IGFN1: variants seen among roughly 807,000 people sequenced by gnomAD.
IGFN1 encodes immunoglobulin-like and fibronectin type III domain-containing protein 1.
IGFN1 carries 253 observed loss-of-function variants against 289.5 expected under a neutral mutation model. The observed-to-expected ratio is 0.87, with a 90% CI of 0.79 to 0.97. The LOEUF (loss-of-function observed/expected upper bound fraction) is 0.97. Among genes scored for constraint, IGFN1 ranks in the 50% least tolerant of loss-of-function variants. IGFN1 has a pLI of 0.00. For synonymous variants in IGFN1, 1,706 were observed against 1,788.5 expected (o/e 0.95, Z 1.16); for missense variants, 4,470 against 4,686.1 (o/e 0.95, Z 1.35).
chr1:201,206,029 T>C (rs1415018994), intron 11 of IGFN1, 54 bp from the exon 12 acceptor site: 4 of 1,261,614 alleles, frequency 3.2e-6, no homozygotes, highest in Non-Finnish European at 4.5e-6. Context: ...TGGTATTTTC[T>C]CTTGTCTCTC....
chr1:201,226,214 A>G, intron 22 of IGFN1, 91 bp downstream of exon 22: 1 of 1,356,370 alleles, frequency 7.4e-7, no homozygotes, highest in Non-Finnish European at 9.7e-7. Context: ...AGCGCGCAGG[A>G]TAGGGACTGT....
At chr1:201,224,531 T>G in intron 20 of IGFN1, 148 bp from the exon 21 acceptor site, 1 of 646,624 alleles carries the variant, frequency 1.5e-6, no homozygotes, top group Non-Finnish European at 2.6e-6. Context: ...CCACCTGTGT[T>G]TTCTTGTCGA....
Position 201,208,081 on chromosome 1 carries a change from C to G in IGFN1, c.3188C>G (p.Ala1063Gly), listed in dbSNP as rs765088195. The G allele has an allele frequency of 6.5e-7, 1 of 1,536,978 alleles. No homozygotes were observed. Among genetic ancestry groups the G allele is most frequent in the Non-Finnish European group, 8.7e-7 (1 of 1,146,856 alleles). Residue 1063 changes from alanine (A) to glycine (G), a missense_variant, in exon 12 of 24, where the codon GCA becomes GGA. Ala to Gly is a moderately conservative substitution (Grantham distance 60). Coordinates refer to ENST00000335211, the MANE Select transcript of IGFN1 (RefSeq NM_001164586.2). ...DTRNWASACQ[A>G]GMDPRGGHHS... is the part of the protein sequence containing the mutation. ...AGGAATTGGGCCTCTGCATGCCAGGCAGGCATGGACCCTAGGGGAGGGCAC... is the reference window on the plus strand; with the variant it reads ...AGGAATTGGGCCTCTGCATGCCAGGGAGGCATGGACCCTAGGGGAGGGCAC...
intron 5 of IGFN1, 44 bp downstream of exon 5, chr1:201,197,361 G>T: frequency 8.2e-7 from 1 of 1,215,748 alleles, no homozygotes; most frequent in South Asian, 1.3e-5. Context: ...ACAGGGCAGA[G>T]ACCCACAGAG....
At position 201,218,534 on chromosome 1, in the gene IGFN1, G is replaced by A; in HGVS notation, c.9774G>A (p.Arg3258=). 6.2e-7 allele frequency: 1 copy of A among 1,612,628 alleles called. No individual in the cohort carries two copies. Among genetic ancestry groups the A allele is most frequent in the Non-Finnish European group, 8.5e-7 (1 of 1,179,536 alleles). ...TAVNDQPVPE[R]RWTVADVRQG... ...ACATGGGCGGGCTGTTCACAGAGAG[G>A]AGGTGGACGGTGGCGGACGTGCGGC... The change falls in exon 18 of 24, where the codon AGG becomes AGA. Residue 3258 remains arginine (R), a synonymous_variant. Transcript: ENST00000335211.
rs1331838615 is a variant in IGFN1, at chr1:201,222,818, C to T, written c.10281C>T (p.Val3427=). The T allele has an allele frequency of 1.9e-6, 3 of 1,612,550 alleles. No individual in the cohort carries two copies. The highest frequency in any genetic ancestry group is 2.5e-6 in the Non-Finnish European group (3 of 1,178,972). The part of the protein sequence containing the change: ...VKVGDTVRVP[V]SFEAMPMPEV... Reference sequence around the variant, plus strand: ...TCGGGGACACAGTTCGTGTGCCCGTCTCCTTTGAAGTGAGTGTACCTGCAG... The same window carrying T: ...TCGGGGACACAGTTCGTGTGCCCGTTTCCTTTGAAGTGAGTGTACCTGCAG... Residue 3427 remains valine (V), a synonymous_variant, in exon 20 of 24, where the codon GTC becomes GTT. Coordinates refer to ENST00000335211, the MANE Select transcript of IGFN1 (RefSeq NM_001164586.2).
In IGFN1 at chr1:201,222,808, G is replaced by T. The variant is rs750738576; in HGVS notation, c.10271G>T (p.Arg3424Leu). 9 of 1,613,026 alleles carry T rather than the reference G, an allele frequency of 5.6e-6. No homozygotes were observed. The highest frequency in any genetic ancestry group is 6.8e-6 in the Non-Finnish European group (8 of 1,179,316). ...LLTVKVGDTV[R>L]VPVSFEAMPM... ...ACAGTCAAGGTCGGGGACACAGTTC[G>T]TGTGCCCGTCTCCTTTGAAGTGAGT... Residue 3424 changes from arginine (R) to leucine (L), a missense_variant, in exon 20 of 24, where the codon CGT becomes CTT. Arg to Leu is a moderately radical substitution (Grantham distance 102, BLOSUM62 -2). Around this residue, in one of 8 missense-constraint regions of IGFN1, gnomAD observed 2,218 missense variants for 2,114.1 expected, o/e 1.05. Coordinates refer to ENST00000335211, the MANE Select transcript of IGFN1 (RefSeq NM_001164586.2).
chr1:201,196,920 G>T (rs566427618), intron 4 of IGFN1, among the ~76,000 whole-genome samples: 3 of 152,214 alleles, frequency 2.0e-5, no homozygotes, highest in African/African-American at 7.2e-5. Context: ...CTTGCCCAAG[G>T]TCCCACAGCT....
chr1:201,209,409 G>T lies in IGFN1; in HGVS notation c.4516G>T (p.Gly1506Cys). 1 of 1,527,606 alleles carries T rather than the reference G, an allele frequency of 6.5e-7. No homozygotes were observed. Among genetic ancestry groups the T allele is most frequent in the Non-Finnish European group, 8.8e-7 (1 of 1,142,290 alleles). 94.6% of individuals were successfully genotyped at this position (1,527,606 alleles called of 1,614,324 possible). Reference sequence around the variant, plus strand: ...AGATTTGGGGGTTTCTGAGGGAGGGGGTTCAGGGAGCAAAGCAGGTTATAG... The same window carrying T: ...AGATTTGGGGGTTTCTGAGGGAGGGTGTTCAGGGAGCAAAGCAGGTTATAG... Reference protein sequence around the residue: ...RKDLGVSEGGGSGSKAGYRGG... With the variant: ...RKDLGVSEGGCSGSKAGYRGG... Residue 1506 changes from glycine (G) to cysteine (C), a missense_variant, in exon 12 of 24, where the codon GGT becomes TGT. This residue lies in a region of IGFN1 where 2,011 missense variants were observed against 1,953.4 expected (regional missense o/e 1.03). Transcript: ENST00000335211.
intron 7 of IGFN1, among the ~76,000 whole-genome samples, 195 bp downstream of exon 7, chr1:201,199,849 C>T (rs553412539): frequency 2.0e-5 from 3 of 152,170 alleles, no homozygotes; most frequent in Non-Finnish European, 2.9e-5. Context: ...TCTGCCATTT[C>T]AAAGCTCTAT....
At chr1:201,202,941 C>T (rs1667230697) in intron 9 of IGFN1, among the ~76,000 whole-genome samples, 1 of 151,848 alleles carries the variant, frequency 6.6e-6, no homozygotes, top group Non-Finnish European at 1.5e-5. Flanking sequence ...ATTTTCAGTA[C>T]AGACAGGGTT....
intron 11 of IGFN1, among the ~76,000 whole-genome samples, chr1:201,205,701 T>C (rs1667384602): frequency 1.3e-5 from 2 of 152,158 alleles, no homozygotes; most frequent in South Asian, 4.2e-4. Context: ...TTCCAGATGT[T>C]CCCAGGAAAG....
In IGFN1 at chr1:201,195,979, G is replaced by T; in HGVS notation, c.267+1G>T. On this transcript the variant is annotated splice_donor_variant, in intron 4 of 23. Coordinates refer to ENST00000335211, the MANE Select transcript of IGFN1 (RefSeq NM_001164586.2). LOFTEE classifies it high-confidence loss of function. ...TGGCAGCAAGGAGCACGTGCTGCAGGTAAGAACCGTAGCTCTTCCCCTGAC... is the reference window on the plus strand; with the variant it reads ...TGGCAGCAAGGAGCACGTGCTGCAGTTAAGAACCGTAGCTCTTCCCCTGAC... 6.4e-7 allele frequency: 1 copy of T among 1,551,520 alleles called. No individual in the cohort carries two copies. Among genetic ancestry groups the T allele is most frequent in the Non-Finnish European group, 8.7e-7 (1 of 1,146,910 alleles).
chr1:201,207,617 G>A lies in IGFN1; in HGVS notation c.2724G>A (p.Lys908=), dbSNP rs1159050412. The change falls in exon 12 of 24, where the codon AAG becomes AAA. Residue 908 remains lysine, a synonymous_variant. Coordinates refer to ENST00000335211, the MANE Select transcript of IGFN1 (RefSeq NM_001164586.2). The stretch of plus-strand genomic sequence containing the variant: ...GATCTGGGGGGACACTAGGAGATAA[G>A]AAAGGATTAAGAGGTCCTGGGTCAA... The part of the protein sequence containing the change: ...AQGSGGTLGD[K]KGLRGPGSIG... 2 of 1,537,106 alleles carry A rather than the reference G, an allele frequency of 1.3e-6. No individual in the cohort carries two copies. Among genetic ancestry groups the A allele is most frequent in the Non-Finnish European group, 1.7e-6 (2 of 1,146,876 alleles).
chr1:201,212,320 C>T lies in IGFN1; in HGVS notation c.7427C>T (p.Pro2476Leu). 1.3e-6 allele frequency: 2 copies of T among 1,536,660 alleles called. No homozygotes were observed. The highest frequency in any genetic ancestry group is 1.7e-6 in the Non-Finnish European group (2 of 1,146,768). ...DLGGYGTSGIPEASEAAGAKG... is the reference protein window; with the variant it reads ...DLGGYGTSGILEASEAAGAKG... ...GGGGGCTATGGAACTTCAGGGATCC[C>T]TGAGGCCTCGGAGGCTGCTGGTGCC... Residue 2476 changes from proline (P) to leucine (L), a missense_variant, in exon 12 of 24, where the codon CCT becomes CTT. This residue lies in a region of IGFN1 where 2,218 missense variants were observed against 2,114.1 expected (regional missense o/e 1.05). Coordinates refer to ENST00000335211, the MANE Select transcript of IGFN1 (RefSeq NM_001164586.2).
In IGFN1 at chr1:201,222,731, C is replaced by A. The variant is rs200492029; in HGVS notation, c.10202-8C>A. On this transcript the variant is annotated splice_region_variant and splice_polypyrimidine_tract_variant and intron_variant, in intron 19 of 23. Transcript: ENST00000335211. ...GAGGGAGGTAACCAGTCCTCTTGTG[C>A]GTTTCAGTCTGTCCCAAGTTCCTCG... 6 of 1,606,162 alleles carry A rather than the reference C, an allele frequency of 3.7e-6. No homozygotes were observed. The highest frequency in any genetic ancestry group is 5.1e-6 in the Non-Finnish European group (6 of 1,173,950).
In IGFN1 at chr1:201,206,301, T is replaced by C; in HGVS notation, c.1408T>C (p.Tyr470His). ...CAGGGATGGCCTTGGCAGACATGGC[T>C]ACTCCTTGATGGGGGACAAAGGGAC... is the stretch of plus-strand genomic sequence containing the variant. ...PDRDGLGRHG[Y>H]SLMGDKGTAD... is the part of the protein sequence containing the mutation. Residue 470 changes from tyrosine to histidine, a missense_variant, in exon 12 of 24, where the codon TAC (tyrosine) becomes CAC (histidine). Coordinates refer to ENST00000335211, the MANE Select transcript of IGFN1 (RefSeq NM_001164586.2). 1.3e-6 allele frequency: 2 copies of C among 1,550,150 alleles called. No homozygotes were observed. Among genetic ancestry groups the C allele is most frequent in the Non-Finnish European group, 1.7e-6 (2 of 1,146,824 alleles).
chr1:201,207,344 G>A lies in IGFN1; in HGVS notation c.2451G>A (p.Gln817=). 4 of 1,536,948 alleles carry A rather than the reference G, an allele frequency of 2.6e-6. No homozygotes were observed. Among genetic ancestry groups the A allele is most frequent in the Non-Finnish European group, 1.7e-6 (2 of 1,146,894 alleles). Residue 817 remains glutamine, a synonymous_variant, in exon 12 of 24, where the codon CAG becomes CAA. Transcript: ENST00000335211. ...ACCCCAGAAGCTTCCAGTCTTCCCA[G>A]GGCTGGACAGCAGGTCACAGAGCAG... is the stretch of plus-strand genomic sequence containing the variant. ...EYDPRSFQSS[Q]GWTAGHRAAG...
At chr1:201,193,467 T>G (rs1043483706) in intron 2 of IGFN1, among the ~76,000 whole-genome samples, 167 bp downstream of exon 2, 2 of 152,178 alleles carry the variant, frequency 1.3e-5, no homozygotes, top group African/African-American at 4.8e-5. Context: ...GTTGGCTTTT[T>G]TTGAGACAGA....
Sources: allele counts gnomAD v4.1 joint callset (sites outside exome capture counted in the v4.1 genomes callset), GRCh38; gene constraint gnomAD v4.1.1; regional missense constraint gnomAD v4.1.1; transcripts MANE v1.5; gene names NCBI Gene and HGNC (gene_info 2026-07-23, HGNC 2026-07-21).